Variants in GSK3B observed in about 807,000 individuals in gnomAD.
GSK3B encodes the protein glycogen synthase kinase 3 beta, also known as glycogen synthase kinase-3 beta.
Under a neutral mutation model 56.4 loss-of-function variants are expected in GSK3B, and 15 were observed. That is an observed-to-expected ratio of 0.27 (90% CI 0.18 to 0.41). The LOEUF (loss-of-function observed/expected upper bound fraction) is 0.41. Ranked by LOEUF, GSK3B falls within the 10% of genes least tolerant of loss-of-function variation. GSK3B has a pLI of 1.00. For missense variants in GSK3B, 300 were observed against 513.4 expected (o/e 0.58, Z 4.02); for synonymous variants, 181 against 188.9 (o/e 0.96, Z 0.34).
At chr3:119,829,334 C>G (rs1305601270) in intron 10 of GSK3B, among the ~76,000 whole-genome samples, 1 of 152,178 alleles carries the variant, frequency 6.6e-6, no homozygotes, top group East Asian at 1.9e-4. Context: ...TCTGATGACA[C>G]TCAGAACCTA....
At chr3:120,044,176 AT>A (rs1216700504) in intron 1 of GSK3B, among the ~76,000 whole-genome samples, 1 of 152,178 alleles carries the variant, frequency 6.6e-6, no homozygotes, top group African/African-American at 2.4e-5. Flanking sequence ...TCCCTGCTCT[AT>A]CCCAAAGTCC....
intron 2 of GSK3B, among the ~76,000 whole-genome samples, chr3:119,999,591 A>G (rs1455438341): frequency 2.0e-5 from 3 of 152,198 alleles, no homozygotes. Context: ...CAAATATTTA[A>G]AAAATGGAGA....
chr3:119,859,614 T>A (rs1479973981), intron 9 of GSK3B, among the ~76,000 whole-genome samples: 1 of 152,184 alleles, frequency 6.6e-6, no homozygotes, highest in Non-Finnish European at 1.5e-5. Flanking sequence ...CACATTCTTA[T>A]ACTCTTTCAA....
intron 1 of GSK3B, among the ~76,000 whole-genome samples, chr3:120,079,128 G>A (rs950833360): frequency 2.8e-4 from 42 of 150,730 alleles, no homozygotes; most frequent in African/African-American, 1.0e-3. Flanking sequence ...TTTTGGTAGA[G>A]ACAGGGTTTC....
At chr3:120,032,464 G>C (rs529160062) in intron 1 of GSK3B, among the ~76,000 whole-genome samples, 1 of 149,102 alleles carries the variant, frequency 6.7e-6, no homozygotes, top group Non-Finnish European at 1.5e-5. Flanking sequence ...AACAGAGTGA[G>C]ACTCCGTCTC....
chr3:119,976,765 C>CAAAA (rs563133631), intron 2 of GSK3B, among the ~76,000 whole-genome samples: 66 of 82,892 alleles, frequency 8.0e-4, no homozygotes, highest in South Asian at 9.3e-4. Context: ...CCACTCCCCA[C>CAAAA]AAAAAAAAAA....
rs143259140 is a variant in GSK3B, at chr3:120,078,972, G to A, written c.88+14375C>T. ...TTTTTTTTCTTTTTGAGACAGTCTC[G>A]CTGTCTCGCCCAGGCTGGAGTACAG... On this transcript the variant is annotated intron_variant, in intron 1 of 10. Transcript: ENST00000264235. Among the ~76,000 whole-genome samples, 484 of 127,264 alleles carry A rather than the reference G, an allele frequency of 3.8e-3. 1 individual carries two copies. Among genetic ancestry groups the A allele is most frequent in the African/African-American group, 0.014 (448 of 33,178 alleles). 83.5% of individuals were successfully genotyped at this position (127,264 alleles called of 152,430 possible). A position where few individuals can be genotyped will look rare whatever the true frequency, so the allele number is the denominator to read the frequency against.
intron 9 of GSK3B, among the ~76,000 whole-genome samples, chr3:119,846,864 T>C (rs2055863257): frequency 6.6e-6 from 1 of 152,176 alleles, no homozygotes; most frequent in South Asian, 2.1e-4. Flanking sequence ...CTATTCACAA[T>C]AGCAAAGACT....
chr3:120,084,035 G>T (rs2058443670), intron 1 of GSK3B, among the ~76,000 whole-genome samples: 1 of 152,130 alleles, frequency 6.6e-6, no homozygotes, highest in Admixed American at 6.5e-5. Flanking sequence ...TGATAAAAGT[G>T]CTCTAAAATT....
intron 8 of GSK3B, among the ~76,000 whole-genome samples, chr3:119,870,886 T>C (rs1173589566): frequency 6.6e-6 from 1 of 152,182 alleles, no homozygotes; most frequent in Non-Finnish European, 1.5e-5. Flanking sequence ...CATGGTTTTA[T>C]GCTTTCTGGA....
intron 2 of GSK3B, among the ~76,000 whole-genome samples, chr3:119,959,705 T>TG (rs2057252000): frequency 6.6e-6 from 1 of 151,748 alleles, no homozygotes; most frequent in Admixed American, 6.6e-5. Flanking sequence ...TTAGTAGAGA[T>TG]GGGGTTTCAC....
At chr3:120,045,753 A>AACATGTCT (rs1397048710) in intron 1 of GSK3B, among the ~76,000 whole-genome samples, 13 of 152,328 alleles carry the variant, frequency 8.5e-5, no homozygotes, top group African/African-American at 3.1e-4. Flanking sequence ...ATTTACTTCC[A>AACATGTCT]ACATGTCTAC....
intron 10 of GSK3B, among the ~76,000 whole-genome samples, chr3:119,837,708 C>T (rs1477262762): frequency 6.6e-6 from 1 of 151,812 alleles, no homozygotes; most frequent in East Asian, 1.9e-4. Context: ...CAACATCTCA[C>T]ATTCAACTCA....
intron 8 of GSK3B, chr3:119,866,771 C>CCTG: frequency 1.7e-6 from 1 of 592,072 alleles, no homozygotes; most frequent in Admixed American, 3.6e-5. Context: ...CAGTTATAAA[C>CCTG]TTTAAACATC....
chr3:120,040,303 G>A (rs760826910), intron 1 of GSK3B, among the ~76,000 whole-genome samples: 1 of 152,198 alleles, frequency 6.6e-6, no homozygotes, highest in Non-Finnish European at 1.5e-5. Context: ...AGCTTAGGGC[G>A]GCCCTTTGGG....
chr3:120,012,994 A>T (rs1047665415), intron 1 of GSK3B, among the ~76,000 whole-genome samples: 2 of 152,120 alleles, frequency 1.3e-5, no homozygotes, highest in African/African-American at 4.8e-5. Context: ...AGTCTAGAAT[A>T]CAATTTTTAC....
intron 1 of GSK3B, among the ~76,000 whole-genome samples, chr3:120,070,268 A>G (rs2058316132): frequency 6.6e-6 from 1 of 151,192 alleles, no homozygotes; most frequent in African/African-American, 2.5e-5. Flanking sequence ...TGTATATATA[A>G]CAGTTTAAAT....
chr3:119,876,381 G>T, intron 8 of GSK3B, 32 bp downstream of exon 8: 1 of 1,134,180 alleles, frequency 8.8e-7, no homozygotes, highest in Non-Finnish European at 1.3e-6. Flanking sequence ...GTTAACTACT[G>T]ATTAATATAC....
rs2056748368 is a variant in GSK3B, at chr3:119,912,810, A to G, written c.609T>C (p.Ser203=). The G allele has an allele frequency of 6.6e-7, 1 of 1,512,332 alleles. No individual in the cohort carries two copies. Among genetic ancestry groups the G allele is most frequent in the Non-Finnish European group, 9.1e-7 (1 of 1,096,150 alleles). 93.7% of individuals were successfully genotyped at this position (1,512,332 alleles called of 1,614,324 possible). The change falls in exon 6 of 11, where the codon AGT becomes AGC. Residue 203 remains serine (S), a splice_region_variant and synonymous_variant. Coordinates refer to ENST00000264235, the MANE Select transcript of GSK3B (RefSeq NM_001146156.2). ...TAVLKLCDFG[S]AKQLVRGEPN... Reference sequence around the variant, plus strand: ...GTTCTCCTCGGACCAGCTGCTTTGCACTAACAGAAAAAAAATAAAAATAAA... The same window carrying G: ...GTTCTCCTCGGACCAGCTGCTTTGCGCTAACAGAAAAAAAATAAAAATAAA...
Sources: allele counts gnomAD v4.1 joint callset (sites outside exome capture counted in the v4.1 genomes callset), GRCh38; gene constraint gnomAD v4.1.1; transcripts MANE v1.5; gene names NCBI Gene and HGNC (gene_info 2026-07-23, HGNC 2026-07-21).